The following TCF3 variants were observed in gnomAD, a reference collection of about 807,000 sequenced individuals.
The protein encoded by TCF3 is transcription factor 3, also known as transcription factor E2-alpha.
TCF3 carries 54 observed loss-of-function variants against 72.3 expected under a neutral mutation model. The observed-to-expected ratio is 0.75, with a 90% confidence interval of 0.60 to 0.94. The LOEUF is 0.94. Among genes scored for constraint, TCF3 ranks in the 40% least tolerant of loss-of-function variants. The pLI is 0.00. For synonymous variants in TCF3, 525 were observed against 412.6 expected (o/e 1.27, Z -3.30); for missense variants, 1,078 against 934.4 (o/e 1.15, Z -2.00).
rs1011681137 is a variant in TCF3, at chr19:1,615,184, G to A, written c.1822+101C>T. The A allele has an allele frequency of 1.9e-5, 26 of 1,397,682 alleles. No homozygotes were observed. Among genetic ancestry groups the A allele is most frequent in the Non-Finnish European group, 2.4e-5 (25 of 1,049,854 alleles). The allele number at this position is 1,397,682 out of a possible 1,614,324, so 86.6% of individuals were successfully genotyped here. ...TGCAAGGAGGCAACTGCTGCAGAGG[G>A]AGGGCTGGCTCCAGGAAGGCGGGCG... is the stretch of plus-strand genomic sequence containing the variant. On this transcript the variant is annotated intron_variant, in intron 18 of 18. Transcript: ENST00000262965. This position sits in a 1 kb window ranked among gnomAD's most constrained non-coding sequence, Gnocchi z 7.3.
At chr19:1,631,717 C>T (rs750349404) in intron 5 of TCF3, among the ~76,000 whole-genome samples, 64 of 152,234 alleles carry the variant, frequency 4.2e-4, no homozygotes, top group Non-Finnish European at 8.1e-4. Context: ...CCAGCGGGCA[C>T]AGGCCAGCCC....
At chr19:1,631,144 C>A (rs956134887) in intron 5 of TCF3, among the ~76,000 whole-genome samples, 5 of 152,232 alleles carry the variant, frequency 3.3e-5, no homozygotes, top group Admixed American at 2.6e-4. Flanking sequence ...TCAGTCCTCA[C>A]CGCCTCCCTC....
intron 7 of TCF3, among the ~76,000 whole-genome samples, chr19:1,624,674 C>T (rs971258729): frequency 6.6e-6 from 1 of 152,212 alleles, no homozygotes; most frequent in African/African-American, 2.4e-5. Context: ...AACCAGCACT[C>T]AGGCGCCTTC....
At chr19:1,639,967 T>C (rs541258258) in intron 3 of TCF3, among the ~76,000 whole-genome samples, 69 of 152,158 alleles carry the variant, frequency 4.5e-4, no homozygotes, top group Non-Finnish European at 9.3e-4. Context: ...AATTGATCAA[T>C]TGATCAATAT....
At position 1,610,955 on chromosome 19, in the gene TCF3, T is replaced by C; in HGVS notation, c.*752A>G. On this transcript the variant is annotated 3_prime_UTR_variant, in exon 19 of 19. Transcript: ENST00000262965. ...GGGGGGGGGACGGGGGGGCTCAGGT[T>C]TACACGGGGTCTTTTTAATACAACG... is the stretch of plus-strand genomic sequence containing the variant. 1 of 224,868 alleles carries C rather than the reference T, an allele frequency of 4.4e-6. No homozygotes were observed. The highest frequency in any genetic ancestry group is 6.3e-5 in the East Asian group (1 of 15,850). 13.9% of individuals were successfully genotyped at this position (224,868 alleles called of 1,614,324 possible). A position where few individuals can be genotyped will look rare whatever the true frequency, so the allele number is the denominator to read the frequency against.
intron 3 of TCF3, among the ~76,000 whole-genome samples, chr19:1,642,631 G>C (rs899978285): frequency 2.0e-5 from 3 of 152,156 alleles, no homozygotes. Flanking sequence ...GAAAGGACAC[G>C]ATCTTTGTCA....
rs1324496170 is a variant in TCF3 at position 1,621,830 on chromosome 19, G to T, written c.955+8C>A. On this transcript the variant is annotated splice_region_variant and intron_variant, in intron 11 of 18. Transcript: ENST00000262965. ...TCGGAGAGGCCGCATCCCAGGGAGG[G>T]GCCATACCCAGGAGGCTGTCGGCCC... 1 of 1,582,802 alleles carries T rather than the reference G, an allele frequency of 6.3e-7. No homozygotes were observed. The highest frequency in any genetic ancestry group is 2.3e-5 in the East Asian group (1 of 43,876).
At position 1,624,034 on chromosome 19, in the gene TCF3, C is replaced by T. The variant is rs764717757; in HGVS notation, c.500-34G>A. The T allele has an allele frequency of 2.6e-5, 42 of 1,608,800 alleles. No individual in the cohort carries two copies. In the South Asian group the frequency reaches 2.8e-4, roughly 11 times the overall value. The stretch of plus-strand genomic sequence containing the variant: ...AGCAAAAGGGGTGAGAACCGGCCAC[C>T]GGCCATGAGAACAACCCCTGCCCTA... On this transcript the variant is annotated intron_variant, in intron 7 of 18. Coordinates refer to ENST00000262965, the MANE Select transcript of TCF3 (RefSeq NM_003200.5).
rs1395434668 is a variant in TCF3 at position 1,623,895 on chromosome 19, G to T, written c.549+56C>A. On this transcript the variant is annotated intron_variant, in intron 8 of 18. Transcript: ENST00000262965. ...TGTTCCCAAGCTTCGCCAGGACACAGGGCCTGGCACTGCCACTGACGAGCT... is the reference window on the plus strand; with the variant it reads ...TGTTCCCAAGCTTCGCCAGGACACATGGCCTGGCACTGCCACTGACGAGCT... The T allele has an allele frequency of 1.9e-6, 3 of 1,570,570 alleles. No homozygotes were observed. In the East Asian group the frequency reaches 6.8e-5, roughly 35 times the overall value.
At chr19:1,621,077 C>G (rs1365852184) in intron 12 of TCF3, 31 bp from the exon 13 acceptor site, 2 of 1,518,016 alleles carry the variant, frequency 1.3e-6, no homozygotes, top group South Asian at 2.5e-5. Flanking sequence ...GATGGGCGGT[C>G]AGGGGCCGGC....
chr19:1,609,878 G>A lies in TCF3; in HGVS notation c.*1829C>T, dbSNP rs1190483747. On this transcript the variant is annotated 3_prime_UTR_variant, in exon 19 of 19. Transcript: ENST00000262965. ...CGGTGGGAGTCTCAGGAGTGGCACGGGGGGAGACGCCCGACCTGCAGCGGG... is the reference window on the plus strand; with the variant it reads ...CGGTGGGAGTCTCAGGAGTGGCACGAGGGGAGACGCCCGACCTGCAGCGGG... 1 of 232,416 alleles carries A rather than the reference G, an allele frequency of 4.3e-6. No homozygotes were observed. The highest frequency in any genetic ancestry group is 2.2e-5 in the African/African-American group (1 of 45,254). The allele number at this position is 232,416 out of a possible 1,614,324, so 14.4% of individuals were successfully genotyped here. A position where few individuals can be genotyped will look rare whatever the true frequency, so the allele number is the denominator to read the frequency against.
At chr19:1,649,448 C>T (rs904928841) in intron 2 of TCF3, among the ~76,000 whole-genome samples, 7 of 152,212 alleles carry the variant, frequency 4.6e-5, no homozygotes, top group African/African-American at 1.7e-4. Context: ...CTTACTCTAT[C>T]GCCCAGGAAG....
chr19:1,648,033 C>G (rs1029425685), intron 2 of TCF3, among the ~76,000 whole-genome samples: 1 of 152,150 alleles, frequency 6.6e-6, no homozygotes, highest in Non-Finnish European at 1.5e-5. Context: ...CTGCCTGGGA[C>G]CCAGGCAGGG....
At position 1,611,847 on chromosome 19, in the gene TCF3, G is replaced by A. The variant is rs2145712476; in HGVS notation, c.1825C>T (p.Arg609Trp). The A allele has an allele frequency of 3.1e-6, 5 of 1,609,370 alleles. No homozygotes were observed. Among genetic ancestry groups the A allele is most frequent in the Non-Finnish European group, 4.2e-6 (5 of 1,177,980 alleles). ...CAGGCTGCTTTGGGATTCAGGTTCCGCTCTGGAGGGAGGGGGGAGAGCTCT... is the reference window on the plus strand; with the variant it reads ...CAGGCTGCTTTGGGATTCAGGTTCCACTCTGGAGGGAGGGGGGAGAGCTCT... ...ILNLEQQVRE[R>W]NLNPKAACLK... Residue 609 changes from arginine to tryptophan, a missense_variant and splice_region_variant, in exon 19 of 19, where the codon CGG becomes TGG. Arg to Trp is a moderately radical substitution (Grantham distance 101). Transcript: ENST00000262965.
At chr19:1,621,685 G>A (rs1281688579) in intron 11 of TCF3, among the ~76,000 whole-genome samples, 153 bp downstream of exon 11, 5 of 152,314 alleles carry the variant, frequency 3.3e-5, no homozygotes, top group Admixed American at 1.3e-4. Flanking sequence ...GGCAGGCCCT[G>A]CAGACAGCGG....
chr19:1,647,813 G>A (rs774057267), intron 2 of TCF3, among the ~76,000 whole-genome samples: 9 of 152,234 alleles, frequency 5.9e-5, no homozygotes, highest in Non-Finnish European at 8.8e-5. Flanking sequence ...GGCCTCATGA[G>A]CAGCCCAGAA....
chr19:1,622,501 C>G (rs1230410382), intron 8 of TCF3, 86 bp from the exon 9 acceptor site: 5 of 701,506 alleles, frequency 7.1e-6, no homozygotes, highest in Non-Finnish European at 1.1e-5. Context: ...CTGTCCCCTC[C>G]TGGTAGCACA....
chr19:1,612,449 G>C, intron 18 of TCF3: 2 of 1,601,502 alleles, frequency 1.2e-6, no homozygotes, highest in African/African-American at 1.3e-5. Flanking sequence ...TCACAGCACC[G>C]AGGCCTCTGT....
chr19:1,632,909 G>A (rs903322071), intron 3 of TCF3, among the ~76,000 whole-genome samples: 1 of 152,222 alleles, frequency 6.6e-6, no homozygotes, highest in Non-Finnish European at 1.5e-5. Flanking sequence ...GCCAGTGTGG[G>A]AAGTGGGGCC....
Sources: allele counts gnomAD v4.1 joint callset (sites outside exome capture counted in the v4.1 genomes callset), GRCh38; gene constraint gnomAD v4.1.1; non-coding constraint Gnocchi (gnomAD v3.1); transcripts MANE v1.5; gene names NCBI Gene and HGNC (gene_info 2026-07-23, HGNC 2026-07-21).